Variants in PANK2 observed in about 807,000 individuals in gnomAD.
The protein encoded by PANK2 is pantothenate kinase 2.
Under a neutral mutation model 43.1 loss-of-function variants are expected in PANK2, and 36 were observed. The observed-to-expected ratio is 0.84, with a 90% CI of 0.64 to 1.10. The LOEUF is 1.10. Among genes scored for constraint, PANK2 ranks in the 50% least tolerant of loss-of-function variants. The pLI, the probability that PANK2 is intolerant of heterozygous loss-of-function variation, is 0.00. For synonymous variants in PANK2, 281 were observed against 238.2 expected (o/e 1.18, Z -1.66); for missense variants, 576 against 593.3 (o/e 0.97, Z 0.30).
rs376655858 is a variant in PANK2 at position 3,890,392 on chromosome 20, T to C, written c.298+664T>C. Among the ~76,000 whole-genome samples, 55 of 152,340 alleles carry C rather than the reference T, an allele frequency of 3.6e-4. 1 individual carries two copies. In the East Asian group the frequency reaches 8.9e-3, roughly 25 times the overall value. On this transcript the variant is annotated intron_variant, in intron 1 of 6. Coordinates refer to ENST00000610179, the MANE Select transcript of PANK2 (RefSeq NM_001386393.1). ...TTGTTTTGAGGGGAAACAACATCTT[T>C]CTGAATTTTGCCTTGGGAGTTGCAT...
chr20:3,908,291 T>C lies in PANK2; in HGVS notation c.651+13T>C. On this transcript the variant is annotated intron_variant, in intron 2 of 6. Transcript: ENST00000610179. ...GGATTTTCTCACAGTATGCATTTTT[T>C]AGCTTATATACAATTTATGGTAATT... is the stretch of plus-strand genomic sequence containing the variant. The C allele has an allele frequency of 6.4e-7, 1 of 1,567,668 alleles. No individual in the cohort carries two copies. Among genetic ancestry groups the C allele is most frequent in the Non-Finnish European group, 8.7e-7 (1 of 1,149,210 alleles).
chr20:3,889,765 G>A (rs1568551262), intron 1 of PANK2, 37 bp downstream of exon 1: 1 of 1,298,040 alleles, frequency 7.7e-7, no homozygotes. Context: ...GGCCCGCCCT[G>A]CCCCCCCTTC....
chr20:3,903,740 G>A (rs939017025), intron 1 of PANK2, among the ~76,000 whole-genome samples: 1 of 151,480 alleles, frequency 6.6e-6, no homozygotes, highest in African/African-American at 2.4e-5. Flanking sequence ...CGATTCTGCT[G>A]CCTCAGCTTT....
In PANK2 at chr20:3,902,969, A is replaced by G. The variant is rs6052158; in HGVS notation, c.299-4957A>G. 1.2e-3 allele frequency among the ~76,000 whole-genome samples: 138 copies of G among 115,304 alleles called. 2 individuals carry two copies. The highest frequency in any genetic ancestry group is 4.7e-3 in the African/African-American group (131 of 28,102). 75.6% of individuals were successfully genotyped at this position (115,304 alleles called of 152,430 possible). The stretch of plus-strand genomic sequence containing the variant: ...GTTCCATGAGTTTCGACAGATGTGT[A>G]TAGACACACACACACACACACACAC... On this transcript the variant is annotated intron_variant, in intron 1 of 6. Transcript: ENST00000610179.
Position 3,891,815 on chromosome 20 carries a change from GT to G in PANK2, c.298+2091del, listed in dbSNP as rs568253178. 2.3e-4 allele frequency among the ~76,000 whole-genome samples: 35 copies of G among 152,288 alleles called. No individual in the cohort carries two copies. The East Asian group carries it at 6.7e-3, about 29-fold the overall frequency. On this transcript the variant is annotated intron_variant, in intron 1 of 6. Coordinates refer to ENST00000610179, the MANE Select transcript of PANK2 (RefSeq NM_001386393.1). ...GGGTGGGGAGAATTATATTAAGGTA[GT>G]TTTGAAACTTATTTTAGGGAACTAA...
At chr20:3,915,212 C>G (rs1370362010) in intron 4 of PANK2, among the ~76,000 whole-genome samples, 1 of 143,026 alleles carries the variant, frequency 7.0e-6, no homozygotes, top group Admixed American at 7.4e-5. Flanking sequence ...GAAGAATTGC[C>G]TAATTTAAGA....
chr20:3,900,754 A>G (rs1341654045), intron 1 of PANK2, among the ~76,000 whole-genome samples: 3 of 151,698 alleles, frequency 2.0e-5, no homozygotes, highest in African/African-American at 7.3e-5. Flanking sequence ...CCCATCATTT[A>G]TTTATTTATT....
At position 3,929,575 on chromosome 20, in the gene PANK2, A is replaced by G. The variant is rs571901185; in HGVS notation, c.*6281A>G. On this transcript the variant is annotated 3_prime_UTR_variant, in exon 7 of 7. Coordinates refer to ENST00000610179, the MANE Select transcript of PANK2 (RefSeq NM_001386393.1). ...GCATCAAAGACACAAGAGCTTGCCT[A>G]AGTGACCACAACAGTTGCAGCCACA... The G allele has an allele frequency of 2.0e-5, 3 of 152,354 alleles. No homozygotes were observed. The highest frequency in any genetic ancestry group is 2.9e-5 in the Non-Finnish European group (2 of 68,134). 9.4% of individuals were successfully genotyped at this position (152,354 alleles called of 1,614,324 possible).
chr20:3,909,349 G>C (rs1275841352), intron 2 of PANK2, among the ~76,000 whole-genome samples: 1 of 152,122 alleles, frequency 6.6e-6, no homozygotes, highest in Non-Finnish European at 1.5e-5. Context: ...CAAAGTGCTG[G>C]GATTACAGGG....
At chr20:3,919,475 C>T (rs2146895220) in intron 6 of PANK2, among the ~76,000 whole-genome samples, 1 of 151,842 alleles carries the variant, frequency 6.6e-6, no homozygotes, top group East Asian at 1.9e-4. Context: ...ATTCTTGTGC[C>T]AGTTATTTAA....
chr20:3,906,653 AAAAAT>A (rs1364686310), intron 1 of PANK2, among the ~76,000 whole-genome samples: 11 of 151,798 alleles, frequency 7.2e-5, no homozygotes, highest in African/African-American at 2.4e-4. Context: ...ATACTGTACT[AAAAAT>A]AAAAAAAACA....
intron 6 of PANK2, among the ~76,000 whole-genome samples, chr20:3,922,643 A>G (rs1396959605): frequency 1.3e-5 from 2 of 149,080 alleles, no homozygotes. Context: ...CCTGTAGGGA[A>G]CTCACCCACC....
At chr20:3,889,858 G>A (rs985124799) in intron 1 of PANK2, 130 bp downstream of exon 1, 33 of 1,533,424 alleles carry the variant, frequency 2.2e-5, no homozygotes, top group Non-Finnish European at 2.7e-5. Flanking sequence ...CCTCGTTGGT[G>A]CGTGGCCTGA....
rs532027822 is a variant in PANK2 at position 3,897,537 on chromosome 20, CA to C, written c.298+7815del. On this transcript the variant is annotated intron_variant, in intron 1 of 6. Transcript: ENST00000610179. ...GCAACATGGTGAAACCTCGTCTCTA[CA>C]AAAAATTAGCTGGTTGTGGTGGCCT... Among the ~76,000 whole-genome samples the C allele has an allele frequency of 8.6e-5, 13 of 151,578 alleles. No individual in the cohort carries two copies. In the East Asian group the frequency reaches 2.5e-3, roughly 30 times the overall value.
intron 1 of PANK2, among the ~76,000 whole-genome samples, chr20:3,901,992 C>G (rs6052157): frequency 0.52 from 79,035 of 151,598 alleles, 21,223 homozygotes; most frequent in East Asian, 0.67. Context: ...CTTATGATAT[C>G]TTGAAATTTC....
At chr20:3,897,704 A>G (rs764964528) in intron 1 of PANK2, among the ~76,000 whole-genome samples, 4 of 152,058 alleles carry the variant, frequency 2.6e-5, no homozygotes, top group African/African-American at 4.8e-5. Context: ...TGTCTCTCAA[A>G]AAAACAAAAA....
chr20:3,919,326 T>TTGA (rs11471445), intron 6 of PANK2, among the ~76,000 whole-genome samples: 78,061 of 151,830 alleles, frequency 0.51, 20,982 homozygotes, highest in African/African-American at 0.68. Context: ...AGAAAAACCC[T>TTGA]TGAACATTCC....
At chr20:3,908,300 T>C (rs1348355354) in intron 2 of PANK2, 22 bp downstream of exon 2, 5 of 1,549,084 alleles carry the variant, frequency 3.2e-6, no homozygotes, top group Non-Finnish European at 3.5e-6. Context: ...TTAGCTTATA[T>C]ACAATTTATG....
At position 3,925,877 on chromosome 20, in the gene PANK2, T is replaced by G. The variant is rs2090712943; in HGVS notation, c.*2583T>G. 1 of 152,398 alleles carries G rather than the reference T, an allele frequency of 6.6e-6. No homozygotes were observed. Among genetic ancestry groups the G allele is most frequent in the South Asian group, 2.1e-4 (1 of 4,838 alleles). 9.4% of individuals were successfully genotyped at this position (152,398 alleles called of 1,614,324 possible). ...ATCCTCATCCCAGCTTACTGCCGTC[T>G]CACCACCTTCAGGTTGTGAGGTGCC... On this transcript the variant is annotated 3_prime_UTR_variant, in exon 7 of 7. Coordinates refer to ENST00000610179, the MANE Select transcript of PANK2 (RefSeq NM_001386393.1).
Sources: allele counts gnomAD v4.1 joint callset (sites outside exome capture counted in the v4.1 genomes callset), GRCh38; gene constraint gnomAD v4.1.1; transcripts MANE v1.5; gene names NCBI Gene and HGNC (gene_info 2026-07-23, HGNC 2026-07-21).